Variants in RAP1A observed in about 807,000 individuals in gnomAD.
RAP1A encodes the protein RAP1A, member of RAS oncogene family, also known as ras-related protein Rap-1A.
In RAP1A, 6 loss-of-function variants were observed where a neutral mutation model predicts 26.4. The ratio of observed to expected loss-of-function variants is 0.23; its 90% CI spans 0.12 to 0.45. The LOEUF is 0.45. Ranked by LOEUF, RAP1A falls within the 20% of genes least tolerant of loss-of-function variation. The pLI is 0.99. For missense variants in RAP1A, 121 were observed against 217.2 expected, an observed-to-expected ratio of 0.56 and a Z score of 2.78; for synonymous variants, 73 against 79.4, an observed-to-expected ratio of 0.92 and a Z score of 0.43.
At chr1:111,556,510 A>G (rs1343547837) in intron 1 of RAP1A, among the ~76,000 whole-genome samples, 1 of 152,242 alleles carries the variant, frequency 6.6e-6, no homozygotes, top group East Asian at 1.9e-4. Flanking sequence ...AAATGTGTAT[A>G]GATGGATGAA....
intron 1 of RAP1A, among the ~76,000 whole-genome samples, chr1:111,675,146 A>C (rs1324094679): frequency 6.6e-6 from 1 of 152,136 alleles, no homozygotes; most frequent in Non-Finnish European, 1.5e-5. Flanking sequence ...ATTCCTATTC[A>C]GTTTTTTGCT....
At chr1:111,662,394 CAAAAAAA>C (rs60481679) in intron 1 of RAP1A, among the ~76,000 whole-genome samples, 21 of 103,424 alleles carry the variant, frequency 2.0e-4, no homozygotes, top group Non-Finnish European at 3.6e-4. Context: ...GACTCCATCT[CAAAAAAA>C]AAAAAAAAAA....
At chr1:111,578,910 G>A (rs976669584) in intron 1 of RAP1A, among the ~76,000 whole-genome samples, 2 of 152,172 alleles carry the variant, frequency 1.3e-5, no homozygotes, top group South Asian at 2.1e-4. Flanking sequence ...TTGCTGGGAT[G>A]GCTCATGGAA....
At chr1:111,599,958 G>C (rs1658639059) in intron 1 of RAP1A, 1 of 152,138 alleles carries the variant, frequency 6.6e-6, no homozygotes, top group Non-Finnish European at 1.5e-5. Flanking sequence ...TTTTTAAAGT[G>C]TGCGGCACTG....
Position 111,668,827 on chromosome 1 carries a change from G to A in RAP1A, c.-27-22507G>A, listed in dbSNP as rs557521692. Among the ~76,000 whole-genome samples, 184 of 151,950 alleles carry A rather than the reference G, an allele frequency of 1.2e-3. 1 individual carries two copies. The highest frequency in any genetic ancestry group is 0.011 in the Admixed American group (170 of 15,264). ...TAGATCACTTAAGCCCAAGGAGTTC[G>A]AGACCAATGTGGGCAACATGGTGAA... On this transcript the variant is annotated intron_variant, in intron 1 of 7. Transcript: ENST00000369709.
At chr1:111,543,225 G>C (rs562798506) in intron 1 of RAP1A, among the ~76,000 whole-genome samples, 2 of 152,248 alleles carry the variant, frequency 1.3e-5, no homozygotes, top group African/African-American at 4.8e-5. Context: ...TCAAACTACA[G>C]TGATTCTGTG....
At chr1:111,696,984 TAAC>T (rs1303386792) in intron 3 of RAP1A, among the ~76,000 whole-genome samples, 1 of 152,192 alleles carries the variant, frequency 6.6e-6, no homozygotes, top group Non-Finnish European at 1.5e-5. Context: ...AGTAAAATTT[TAAC>T]AACTTGAACA....
intron 1 of RAP1A, among the ~76,000 whole-genome samples, chr1:111,652,537 C>G (rs1158540141): frequency 2.0e-5 from 3 of 151,628 alleles, no homozygotes; most frequent in Non-Finnish European, 1.5e-5. Context: ...ATGTGGCTCA[C>G]AAAGCATAAA....
intron 1 of RAP1A, among the ~76,000 whole-genome samples, chr1:111,668,278 AAG>A (rs1200352833): frequency 1.3e-5 from 2 of 152,222 alleles, no homozygotes; most frequent in Non-Finnish European, 2.9e-5. Flanking sequence ...CAAAAAGAAA[AAG>A]AGACTGAAAA....
At chr1:111,654,252 T>TA (rs1660381920) in intron 1 of RAP1A, among the ~76,000 whole-genome samples, 1 of 152,218 alleles carries the variant, frequency 6.6e-6, no homozygotes, top group Non-Finnish European at 1.5e-5. Context: ...TAACCTATTT[T>TA]AAATCATACA....
chr1:111,692,883 T>C (rs1324716270), intron 2 of RAP1A, among the ~76,000 whole-genome samples: 1 of 152,192 alleles, frequency 6.6e-6, no homozygotes, highest in Non-Finnish European at 1.5e-5. Context: ...TAGGATTGGA[T>C]AGCTGGGAAC....
chr1:111,665,233 T>A (rs1163637055), intron 1 of RAP1A, among the ~76,000 whole-genome samples: 1 of 152,234 alleles, frequency 6.6e-6, no homozygotes, highest in Non-Finnish European at 1.5e-5. Flanking sequence ...ATCAGAAACT[T>A]AGTTATAATT....
chr1:111,663,532 A>G (rs970737831), intron 1 of RAP1A, among the ~76,000 whole-genome samples: 3 of 152,212 alleles, frequency 2.0e-5, no homozygotes, highest in East Asian at 1.9e-4. Flanking sequence ...TAAGTGCTAC[A>G]TATGCATTAT....
chr1:111,562,877 T>C (rs994772140), intron 1 of RAP1A, among the ~76,000 whole-genome samples: 1 of 152,224 alleles, frequency 6.6e-6, no homozygotes, highest in African/African-American at 2.4e-5. Flanking sequence ...CCAATACAAG[T>C]AGATGCTTAG....
intron 1 of RAP1A, chr1:111,563,895 A>G: frequency 6.2e-7 from 1 of 1,613,836 alleles, no homozygotes; most frequent in Non-Finnish European, 8.5e-7. Context: ...TGCTCTTCCC[A>G]GGAGCTTTCC....
At chr1:111,611,636 A>C (rs1469278330) in intron 1 of RAP1A, among the ~76,000 whole-genome samples, 2 of 152,222 alleles carry the variant, frequency 1.3e-5, no homozygotes, top group African/African-American at 4.8e-5. Context: ...AGTAAATGTT[A>C]TCCTAATTTT....
chr1:111,688,856 A>T (rs1571563039), intron 1 of RAP1A, among the ~76,000 whole-genome samples: 1 of 135,868 alleles, frequency 7.4e-6, no homozygotes, highest in African/African-American at 2.7e-5. Flanking sequence ...TGTTTTTGAG[A>T]CAGGGTCTCA....
chr1:111,585,179 T>C (rs1187625210), intron 1 of RAP1A, among the ~76,000 whole-genome samples: 2 of 152,224 alleles, frequency 1.3e-5, no homozygotes, highest in Non-Finnish European at 2.9e-5. Flanking sequence ...CCTGCATTCC[T>C]CAACTATCCT....
chr1:111,619,824 C>T lies in RAP1A; in HGVS notation c.-138C>T, dbSNP rs1044865700. The T allele has an allele frequency of 1.3e-5, 5 of 398,954 alleles. No individual in the cohort carries two copies. Among genetic ancestry groups the T allele is most frequent in the South Asian group, 1.3e-4 (1 of 7,896 alleles). The allele number at this position is 398,954 out of a possible 1,614,324, so 24.7% of individuals were successfully genotyped here. On this transcript the variant is annotated 5_prime_UTR_variant, in exon 1 of 8. Coordinates refer to ENST00000369709, the MANE Select transcript of RAP1A (RefSeq NM_002884.4). The stretch of plus-strand genomic sequence containing the variant: ...CCGAGGCCCCTGCCGCCGCCGCTCC[C>T]GCTGCTGTCGCCGCGCAGAGCCGGA...
Sources: gnomAD v4.1 joint callset for allele counts (sites outside exome capture counted in the v4.1 genomes callset) on GRCh38, gnomAD v4.1.1 for gene constraint, MANE v1.5 for transcripts, NCBI Gene and HGNC (gene_info 2026-07-23, HGNC 2026-07-21) for gene names.